UTRN: variants seen among roughly 807,000 people sequenced by gnomAD.
UTRN encodes utrophin.
A neutral mutation model predicts 463.9 loss-of-function variants in UTRN; 283 were observed. That is an observed-to-expected ratio of 0.61 (90% CI 0.55 to 0.67). UTRN has a LOEUF of 0.67. Among genes scored for constraint, UTRN ranks in the 30% least tolerant of loss-of-function variants. The pLI is 0.00. For synonymous variants in UTRN, 1,442 were observed against 1,431.5 expected (o/e 1.01, Z -0.17); for missense variants, 3,922 against 4,084.3 (o/e 0.96, Z 1.08).
rs1456077982 is a variant in UTRN, at chr6:144,577,278, A to G, written c.7469A>G (p.Gln2490Arg). 2 of 1,613,694 alleles carry G rather than the reference A, an allele frequency of 1.2e-6. No homozygotes were observed. Among genetic ancestry groups the G allele is most frequent in the South Asian group, 1.1e-5 (1 of 91,070 alleles). ...AGTATCTTGGCCAGGGAACTCAAAC[A>G]GCAGATGCAGGTAAGTGCATGGGAA... Reference protein sequence around the residue: ...QDSILARELKQQMQDIQAEID... With the variant: ...QDSILARELKRQMQDIQAEID... Residue 2490 changes from glutamine (Q) to arginine (R), a missense_variant, in exon 51 of 75, where the codon CAG (glutamine) becomes CGG (arginine). Transcript: ENST00000367545.
At chr6:144,416,588 G>A (rs1363210785) in intron 3 of UTRN, among the ~76,000 whole-genome samples, 6 of 152,192 alleles carry the variant, frequency 3.9e-5, no homozygotes, top group South Asian at 4.1e-4. Flanking sequence ...TGTCCCAGCC[G>A]CAAGCATGAG....
chr6:144,515,458 T>A (rs1161772522), intron 37 of UTRN, among the ~76,000 whole-genome samples: 1 of 152,068 alleles, frequency 6.6e-6, no homozygotes, highest in Non-Finnish European at 1.5e-5. Context: ...TGTCTTCACA[T>A]TGCACACACC....
chr6:144,613,046 C>T (rs1805693791), intron 51 of UTRN, among the ~76,000 whole-genome samples: 1 of 151,960 alleles, frequency 6.6e-6, no homozygotes, highest in African/African-American at 2.4e-5. Flanking sequence ...TAAATCCTGT[C>T]ATTTGTGATA....
At chr6:144,699,656 A>G (rs999764726) in intron 52 of UTRN, among the ~76,000 whole-genome samples, 1 of 150,558 alleles carries the variant, frequency 6.6e-6, no homozygotes, top group African/African-American at 2.4e-5. Flanking sequence ...GTGCGTATAT[A>G]CTATACATAA....
chr6:144,722,328 T>TTTC (rs1218511214), intron 53 of UTRN, among the ~76,000 whole-genome samples: 3 of 152,002 alleles, frequency 2.0e-5, no homozygotes, highest in Non-Finnish European at 4.4e-5. Context: ...CGGTTTTTTT[T>TTTC]TTTAAATATC....
chr6:144,678,053 G>T (rs1014069692), intron 51 of UTRN, among the ~76,000 whole-genome samples: 1 of 152,086 alleles, frequency 6.6e-6, no homozygotes, highest in Non-Finnish European at 1.5e-5. Context: ...TAGGTTGCCT[G>T]TTCACTCTGA....
chr6:144,823,151 A>G (rs1331399385), intron 66 of UTRN, among the ~76,000 whole-genome samples: 1 of 152,168 alleles, frequency 6.6e-6, no homozygotes, highest in Non-Finnish European at 1.5e-5. Flanking sequence ...ATTCAATTGA[A>G]AATGAATTTA....
Position 144,444,323 on chromosome 6 carries a change from G to A in UTRN, c.1555G>A (p.Glu519Lys). Residue 519 changes from glutamate to lysine, a missense_variant, in exon 14 of 75, where the codon GAA becomes AAA. Around this residue, in one of 3 missense-constraint regions of UTRN, gnomAD observed 2,349 missense variants for 2,303.8 expected, o/e 1.02. Coordinates refer to ENST00000367545, the MANE Select transcript of UTRN (RefSeq NM_007124.3). ...RWTAVCRWTE[E>K]RWNRLQEINI... Reference sequence around the variant, plus strand: ...GACAGCAGTATGCCGTTGGACTGAAGAACGCTGGAATAGGTTACAAGAAAT... The same window carrying A: ...GACAGCAGTATGCCGTTGGACTGAAAAACGCTGGAATAGGTTACAAGAAAT... 2 of 1,611,848 alleles carry A rather than the reference G, an allele frequency of 1.2e-6. No homozygotes were observed. The highest frequency in any genetic ancestry group is 1.7e-6 in the Non-Finnish European group (2 of 1,178,688).
Position 144,827,790 on chromosome 6 carries a change from TTATGATTC to T in UTRN, c.9599+115_9599+122del. Reference sequence around the variant, plus strand: ...TTTAAGAAATGCAGTTTTGCAGGAGTTATGATTCCATTATATTTGGAATTTGGGCTCTC... The same window carrying T: ...TTTAAGAAATGCAGTTTTGCAGGAGTCATTATATTTGGAATTTGGGCTCTC... On this transcript the variant is annotated intron_variant, in intron 68 of 74. Transcript: ENST00000367545. The T allele has an allele frequency of 2.3e-6, 3 of 1,277,018 alleles. No homozygotes were observed. The East Asian group carries it at 7.5e-5, about 32-fold the overall frequency. The allele number at this position is 1,277,018 out of a possible 1,614,324, so 79.1% of individuals were successfully genotyped here.
intron 53 of UTRN, among the ~76,000 whole-genome samples, chr6:144,705,964 A>G (rs1462250216): frequency 6.6e-6 from 1 of 151,848 alleles, no homozygotes; most frequent in African/African-American, 2.4e-5. Context: ...ATGCATTTGT[A>G]GATTTAGAGC....
At chr6:144,306,932 TCGCGC>T (rs2114547287) in intron 2 of UTRN, among the ~76,000 whole-genome samples, 1 of 150,128 alleles carries the variant, frequency 6.7e-6, no homozygotes. Context: ...GGGCATGGGG[TCGCGC>T]ACCTGTAGTC....
intron 51 of UTRN, among the ~76,000 whole-genome samples, chr6:144,669,965 G>A (rs1780833767): frequency 1.3e-5 from 2 of 148,972 alleles, no homozygotes; most frequent in Admixed American, 1.3e-4. Context: ...TGGTGTGTGT[G>A]TGTGTGTGTG....
intron 2 of UTRN, among the ~76,000 whole-genome samples, chr6:144,401,759 G>A (rs1782956137): frequency 1.3e-5 from 2 of 151,966 alleles, no homozygotes; most frequent in South Asian, 4.2e-4. Context: ...GGTAAGGACC[G>A]AAGACCACAA....
intron 53 of UTRN, among the ~76,000 whole-genome samples, chr6:144,704,274 T>A (rs1168019313): frequency 6.6e-6 from 1 of 152,186 alleles, no homozygotes; most frequent in African/African-American, 2.4e-5. Flanking sequence ...AAGCCACCTT[T>A]TTCACCCTAT....
chr6:144,289,456 TTTTTA>T lies in UTRN; in HGVS notation c.-92-2263_-92-2259del, dbSNP rs545324438. ...TAGCACAATAAACACCCAGATGTCC[TTTTTA>T]TTTTATTTTATTTTATTATTTAAAA... On this transcript the variant is annotated intron_variant, in intron 1 of 74. Coordinates refer to ENST00000367545, the MANE Select transcript of UTRN (RefSeq NM_007124.3). Among the ~76,000 whole-genome samples, 11 of 152,218 alleles carry T rather than the reference TTTTTA, an allele frequency of 7.2e-5. 1 individual carries two copies. In the South Asian group the frequency reaches 8.3e-4, roughly 11 times the overall value.
Position 144,793,935 on chromosome 6 carries a change from G to T in UTRN, c.9022G>T (p.Val3008Leu), listed in dbSNP as rs1233606304. Residue 3008 changes from valine to leucine, a missense_variant, in exon 63 of 75, where the codon GTA becomes TTA. Physicochemically the swap from Val to Leu is conservative, Grantham distance 32 (BLOSUM62 1). Coordinates refer to ENST00000367545, the MANE Select transcript of UTRN (RefSeq NM_007124.3). ...CCAGATCCCCCGGCAGCTAGGTGAA[G>T]TAGCAGCTTTTGGAGGCAGTAATAT... ...AIQIPRQLGEVAAFGGSNIEP... is the reference protein window; with the variant it reads ...AIQIPRQLGELAAFGGSNIEP... The T allele has an allele frequency of 6.2e-7, 1 of 1,614,020 alleles. No homozygotes were observed. The highest frequency in any genetic ancestry group is 1.3e-5 in the African/African-American group (1 of 74,924).
chr6:144,743,666 G>T, intron 54 of UTRN, among the ~76,000 whole-genome samples: 1 of 152,202 alleles, frequency 6.6e-6, no homozygotes, highest in Non-Finnish European at 1.5e-5. Flanking sequence ...TCCAGCTTTG[G>T]TTTTTCACCT....
intron 34 of UTRN, among the ~76,000 whole-genome samples, chr6:144,502,448 C>A (rs1335335713): frequency 1.3e-5 from 2 of 151,874 alleles, no homozygotes; most frequent in Non-Finnish European, 2.9e-5. Flanking sequence ...TGTGATGTTA[C>A]CCTCCCTGTG....
rs150171521 is a variant in UTRN, at chr6:144,742,135, A to G, written c.7940-6111A>G. 1.6e-3 allele frequency among the ~76,000 whole-genome samples: 238 copies of G among 152,330 alleles called. 2 individuals are homozygous for G. In the East Asian group the frequency reaches 0.038, roughly 24 times the overall value. ...GAGAAGTCCACTGGCAGCATGGATG[A>G]ATCTATGCCATCTTTATCATATCTG... On this transcript the variant is annotated intron_variant, in intron 54 of 74. Transcript: ENST00000367545.
Sources: gnomAD v4.1 joint callset for allele counts (sites outside exome capture counted in the v4.1 genomes callset) on GRCh38, gnomAD v4.1.1 for gene constraint, gnomAD v4.1.1 regional missense constraint, MANE v1.5 for transcripts, NCBI Gene and HGNC (gene_info 2026-07-23, HGNC 2026-07-21) for gene names.